The following BRME1 variants were observed in gnomAD, a reference collection of about 807,000 sequenced individuals.
The protein encoded by BRME1 is break repair meiotic recombinase recruitment factor 1.
Under a neutral mutation model 52.6 loss-of-function variants are expected in BRME1, and 31 were observed. That is an observed-to-expected ratio of 0.59 (90% confidence interval 0.44 to 0.80). The LOEUF (loss-of-function observed/expected upper bound fraction) is 0.80, where lower values mean the gene tolerates loss of function less well. BRME1 is among the 30% of genes least tolerant of loss of function. The pLI is 0.00. For synonymous variants in BRME1, 359 were observed against 353.6 expected (o/e 1.02, Z -0.17); for missense variants, 804 against 860.3 (o/e 0.93, Z 0.82).
intron 4 of BRME1, 79 bp from the exon 5 acceptor site, chr19:13,892,969 C>A: frequency 7.0e-7 from 1 of 1,425,670 alleles, no homozygotes; most frequent in Non-Finnish European, 9.8e-7. Context: ...AACCCCAAAC[C>A]TGCTCCTTTC....
At position 13,892,835 on chromosome 19, in the gene BRME1, C is replaced by T. The variant is rs760543965; in HGVS notation, c.344G>A (p.Arg115Lys). The change falls in exon 5 of 9, where the codon AGA becomes AAA. Residue 115 changes from arginine to lysine, a missense_variant. By Grantham distance (26) the Arg-to-Lys change is conservative. Coordinates refer to ENST00000586783, the MANE Select transcript of BRME1 (RefSeq NM_001345843.2). ...GTCCTCATCCTTCATCTCTTCTTTT[C>T]TTGTCACTGTCTTCCTGGATTTTGC... ...QFAKSRKTVT[R>K]KEEMKDEDRG... 3 of 1,614,200 alleles carry T rather than the reference C, an allele frequency of 1.9e-6. No homozygotes were observed. Among genetic ancestry groups the T allele is most frequent in the Admixed American group, 1.7e-5 (1 of 60,020 alleles).
rs1455130908 is a variant in BRME1, at chr19:13,890,330, T to C, written c.526A>G (p.Ser176Gly). 1.2e-6 allele frequency: 2 copies of C among 1,600,744 alleles called. No homozygotes were observed. The highest frequency in any genetic ancestry group is 3.4e-5 in the Admixed American group (2 of 58,788). ...GGCACCGCCTGCACAGGGCTCTGGC[T>C]GCTCTGCTCAGGGCGGGCACTGTCT... ...QADSARPEQS[S>G]QSPVQAVPGS... The change falls in exon 6 of 9, where the codon AGC becomes GGC. Residue 176 changes from serine (S) to glycine (G), a missense_variant. Coordinates refer to ENST00000586783, the MANE Select transcript of BRME1 (RefSeq NM_001345843.2).
chr19:13,885,038 C>A, intron 7 of BRME1: 1 of 152,476 alleles, frequency 6.6e-6, no homozygotes, highest in Non-Finnish European at 1.5e-5. Context: ...CACAGCGGGC[C>A]GCTCTGATGA....
chr19:13,905,505 C>A (rs1202993985), intron 1 of BRME1, among the ~76,000 whole-genome samples: 1 of 120,952 alleles, frequency 8.3e-6, no homozygotes, highest in Non-Finnish European at 1.6e-5. Flanking sequence ...GAGACTCCGT[C>A]TCAAAAAAAA....
chr19:13,891,135 T>TTTTTTTTTTTTATTATTATTATTA (rs59151567), intron 5 of BRME1, among the ~76,000 whole-genome samples: 77 of 146,664 alleles, frequency 5.3e-4, no homozygotes, highest in African/African-American at 1.9e-3. Context: ...CAATTTCCTG[T>TTTTTTTTTTTTATTATTATTATTA]TTATTATTAT....
chr19:13,882,957 G>A lies in BRME1; in HGVS notation c.1857-5C>T, dbSNP rs777115092. The A allele has an allele frequency of 6.2e-6, 10 of 1,611,602 alleles. No homozygotes were observed. The African/African-American group carries it at 1.1e-4, about 17-fold the overall frequency. ...TGGGTGCCCATGATCAGCCGGCTGT[G>A]GGGGAAACACAGGCATGCGTGTGGG... On this transcript the variant is annotated splice_region_variant and splice_polypyrimidine_tract_variant and intron_variant, in intron 8 of 8. Coordinates refer to ENST00000586783, the MANE Select transcript of BRME1 (RefSeq NM_001345843.2).
chr19:13,890,275 G>A lies in BRME1; in HGVS notation c.581C>T (p.Pro194Leu). 1.2e-6 allele frequency: 2 copies of A among 1,613,284 alleles called. No individual in the cohort carries two copies. The highest frequency in any genetic ancestry group is 1.7e-6 in the Non-Finnish European group (2 of 1,179,494). The change falls in exon 6 of 9, where the codon CCT (proline) becomes CTT (leucine). Residue 194 changes from proline (P) to leucine (L), a missense_variant. Pro to Leu is a moderately conservative substitution (Grantham distance 98). This residue lies in a region of BRME1 where 234 missense variants were observed against 258.1 expected (regional missense o/e 0.91). Coordinates refer to ENST00000586783, the MANE Select transcript of BRME1 (RefSeq NM_001345843.2). ...PGSGDSQPDD[P>L]PDRGTGLSAS... ...GGACAACCCCGTCCCCCTGTCTGGA[G>A]GGTCATCAGGCTGAGAATCCCCACT... is the stretch of plus-strand genomic sequence containing the variant.
chr19:13,882,706 G>C lies in BRME1; in HGVS notation c.*96C>G. Reference sequence around the variant, plus strand: ...ACCAACTTCCGGGCAACTGAAGGGAGGTTTGTAGGGTCCACTAGGACCCCC... The same window carrying C: ...ACCAACTTCCGGGCAACTGAAGGGACGTTTGTAGGGTCCACTAGGACCCCC... On this transcript the variant is annotated 3_prime_UTR_variant, in exon 9 of 9. Transcript: ENST00000586783. 1 of 1,519,782 alleles carries C rather than the reference G, an allele frequency of 6.6e-7. No homozygotes were observed. Among genetic ancestry groups the C allele is most frequent in the Non-Finnish European group, 9.0e-7 (1 of 1,115,802 alleles). The allele number at this position is 1,519,782 out of a possible 1,614,324, so 94.1% of individuals were successfully genotyped here.
In BRME1 at chr19:13,888,259, G is replaced by C. The variant is rs1969182181; in HGVS notation, c.1668+929C>G. On this transcript the variant is annotated intron_variant, in intron 6 of 8. Coordinates refer to ENST00000586783, the MANE Select transcript of BRME1 (RefSeq NM_001345843.2). This position sits in a 1 kb window ranked among gnomAD's most constrained non-coding sequence, Gnocchi z 4.1. ...CAACACAGGGACAGCCAAAGAAACAGAGGCTGACATTTGAAAAGCAAATTG... is the reference window on the plus strand; with the variant it reads ...CAACACAGGGACAGCCAAAGAAACACAGGCTGACATTTGAAAAGCAAATTG... The C allele has an allele frequency of 6.6e-6, 1 of 151,476 alleles. No homozygotes were observed. Among genetic ancestry groups the C allele is most frequent in the East Asian group, 1.9e-4 (1 of 5,168 alleles). 9.4% of individuals were successfully genotyped at this position (151,476 alleles called of 1,614,324 possible).
chr19:13,893,301 G>T, intron 3 of BRME1, 78 bp from the exon 4 acceptor site: 1 of 1,247,056 alleles, frequency 8.0e-7, no homozygotes, highest in Non-Finnish European at 1.1e-6. Context: ...CACTTTGGGC[G>T]GCTGAGGCGG....
intron 2 of BRME1, among the ~76,000 whole-genome samples, chr19:13,898,870 C>A (rs1970099446): frequency 6.8e-6 from 1 of 147,386 alleles, no homozygotes; most frequent in Admixed American, 6.9e-5. Flanking sequence ...TTGCAGTGAG[C>A]CGATATCGCG....
In BRME1 at chr19:13,898,855, G is replaced by A. The variant is rs372973624; in HGVS notation, c.32-3309C>T. ...GGAGAATCGCTTGAACCCGGGAGGC[G>A]GAGGTTGCAGTGAGCCGATATCGCG... On this transcript the variant is annotated intron_variant, in intron 2 of 8. Coordinates refer to ENST00000586783, the MANE Select transcript of BRME1 (RefSeq NM_001345843.2). Among the ~76,000 whole-genome samples the A allele has an allele frequency of 3.1e-3, 465 of 150,632 alleles. 5 individuals are homozygous for A. The highest frequency in any genetic ancestry group is 0.026 in the South Asian group (126 of 4,756).
rs371641806 is a variant in BRME1, at chr19:13,890,454, G to A, written c.402C>T (p.Ile134=). 1.6e-5 allele frequency: 24 copies of A among 1,494,348 alleles called. No individual in the cohort carries two copies. Among genetic ancestry groups the A allele is most frequent in the African/African-American group, 7.0e-5 (5 of 71,388 alleles). The allele number at this position is 1,494,348 out of a possible 1,614,324, so 92.6% of individuals were successfully genotyped here. Residue 134 remains isoleucine, a synonymous_variant, in exon 6 of 9, where the codon ATC becomes ATT. Transcript: ENST00000586783. ...RGSGAFSLET[I]AESSAQSPGC... is the part of the protein sequence containing the mutation. ...CTGGACTCTGGGCGCTGGACTCTGC[G>A]ATTGTTTCCTGTGGACAGAAAAAGA...
At chr19:13,904,729 C>G (rs538904853) in intron 2 of BRME1, 133 bp downstream of exon 2, 2 of 939,924 alleles carry the variant, frequency 2.1e-6, no homozygotes, top group Admixed American at 3.8e-5. Flanking sequence ...TGTGAGCCAC[C>G]GCACCCGGCC....
chr19:13,893,395 G>T (rs1289415076), intron 3 of BRME1, among the ~76,000 whole-genome samples, 172 bp from the exon 4 acceptor site: 1 of 152,124 alleles, frequency 6.6e-6, no homozygotes, highest in East Asian at 1.9e-4. Flanking sequence ...AAAATTAGCT[G>T]GATGTGGTGG....
chr19:13,893,512 G>A (rs1306969453), intron 3 of BRME1, among the ~76,000 whole-genome samples: 1 of 149,634 alleles, frequency 6.7e-6, no homozygotes, highest in Non-Finnish European at 1.5e-5. Flanking sequence ...TCCAGCCTAG[G>A]TGAGAGAACA....
At chr19:13,892,943 G>T (rs1688756477) in intron 4 of BRME1, 53 bp from the exon 5 acceptor site, 1 of 1,565,042 alleles carries the variant, frequency 6.4e-7, no homozygotes, top group African/African-American at 1.4e-5. Context: ...GAGGAATGAG[G>T]TCTTAGGAAA....
chr19:13,905,386 T>A (rs1271201712), intron 1 of BRME1, among the ~76,000 whole-genome samples: 1 of 151,780 alleles, frequency 6.6e-6, no homozygotes, highest in East Asian at 1.9e-4. Context: ...CGCACACCTG[T>A]AATCCCAGCT....
In BRME1 at chr19:13,905,737, G is replaced by C. The variant is rs1970670919; in HGVS notation, c.-44C>G. 1 of 152,258 alleles carries C rather than the reference G, an allele frequency of 6.6e-6. No homozygotes were observed. The highest frequency in any genetic ancestry group is 2.4e-5 in the African/African-American group (1 of 41,442). 9.4% of individuals were successfully genotyped at this position (152,258 alleles called of 1,614,324 possible). On this transcript the variant is annotated 5_prime_UTR_variant, in exon 1 of 9. Coordinates refer to ENST00000586783, the MANE Select transcript of BRME1 (RefSeq NM_001345843.2). ...GACCTGGGCCACAGAAGTCGTTGAG[G>C]ACCCTCTGTCCTTATCAGAAACGAG...
Sources: gnomAD v4.1 joint callset for allele counts (sites outside exome capture counted in the v4.1 genomes callset) on GRCh38, gnomAD v4.1.1 for gene constraint, gnomAD v4.1.1 regional missense constraint, Gnocchi (gnomAD v3.1) non-coding constraint, MANE v1.5 for transcripts, NCBI Gene and HGNC (gene_info 2026-07-23, HGNC 2026-07-21) for gene names.